LMTK3: variants seen among roughly 807,000 people sequenced by gnomAD.
The protein encoded by LMTK3 is lemur tail kinase 3.
LMTK3 carries 27 observed loss-of-function variants against 116.7 expected under a neutral mutation model. That is an observed-to-expected ratio of 0.23 (90% confidence interval 0.17 to 0.32). LMTK3 has a LOEUF of 0.32. Ranked by LOEUF, LMTK3 falls within the 10% of genes least tolerant of loss-of-function variation. The pLI is 1.00. For synonymous variants in LMTK3, 965 were observed against 971.0 expected, an observed-to-expected ratio of 0.99 and a Z score of 0.11; for missense variants, 1,764 against 2,068.5, an observed-to-expected ratio of 0.85 and a Z score of 2.86.
intron 4 of LMTK3, 55 bp from the exon 5 acceptor site, chr19:48,509,024 TG>T: frequency 8.2e-7 from 1 of 1,215,000 alleles, no homozygotes; most frequent in Middle Eastern, 2.3e-4. Context: ...CCCCGTCCCC[TG>T]GGACCAGCTC....
chr19:48,511,620 A>AGGTGGGGGGGGGGGGG lies in LMTK3; in HGVS notation c.-45_-44insCCCCCCCCCCCCCACC. The AGGTGGGGGGGGGGGGG allele has an allele frequency of 8.5e-6, 1 of 118,224 alleles. No individual in the cohort carries two copies. The highest frequency in any genetic ancestry group is 1.5e-5 in the Non-Finnish European group (1 of 66,520). 7.3% of individuals were successfully genotyped at this position (118,224 alleles called of 1,614,324 possible). Reference sequence around the variant, plus strand: ...GAGGTGGAGGTGGTGGCGGCTGGGGAGGAGGGGGGGGCGGGCCCTCAGCCC... The same window carrying AGGTGGGGGGGGGGGGG: ...GAGGTGGAGGTGGTGGCGGCTGGGGAGGTGGGGGGGGGGGGGGGAGGGGGGGGCGGGCCCTCAGCCC... On this transcript the variant is annotated 5_prime_UTR_variant, in exon 1 of 15. Coordinates refer to ENST00000600059, the MANE Select transcript of LMTK3 (RefSeq NM_001388485.1).
rs761980582 is a variant in LMTK3 at position 48,497,804 on chromosome 19, C to T, written c.3265G>A (p.Glu1089Lys). The T allele has an allele frequency of 2.5e-5, 34 of 1,381,950 alleles. No individual in the cohort carries two copies. In the African/African-American group the frequency reaches 4.1e-4, roughly 16 times the overall value. The allele number at this position is 1,381,950 out of a possible 1,614,324, so 85.6% of individuals were successfully genotyped here. A position where few individuals can be genotyped will look rare whatever the true frequency, so the allele number is the denominator to read the frequency against. ...PKNGTLEPGT[E>K]RRAPETGGAP... is the part of the protein sequence containing the mutation. ...CCCCCAGTCTCGGGGGCTCTCCTCT[C>T]GGTCCCGGGTTCCAGCGTCCCGTTC... Residue 1089 changes from glutamate to lysine, a missense_variant, in exon 11 of 15, where the codon GAG (glutamate) becomes AAG (lysine). Physicochemically the swap from Glu to Lys is moderately conservative, Grantham distance 56. Coordinates refer to ENST00000600059, the MANE Select transcript of LMTK3 (RefSeq NM_001388485.1). This position sits in a 1 kb window ranked among gnomAD's most constrained non-coding sequence, Gnocchi z 5.7.
Position 48,499,908 on chromosome 19 carries a change from A to T in LMTK3, c.1161T>A (p.Ile387=). The T allele has an allele frequency of 6.3e-7, 1 of 1,591,046 alleles. No homozygotes were observed. Residue 387 remains isoleucine, a synonymous_variant, in exon 11 of 15, where the codon ATT becomes ATA. Coordinates refer to ENST00000600059, the MANE Select transcript of LMTK3 (RefSeq NM_001388485.1). ...KLPYADYWYD[I]LQSCWRPPAQ... ...CAGGTGGCCGCCAGCAGGACTGAAG[A>T]ATGTCATACCTGGGGAGAGGTGGGG...
chr19:48,504,817 G>A (rs1972536140), intron 5 of LMTK3, among the ~76,000 whole-genome samples: 1 of 151,402 alleles, frequency 6.6e-6, no homozygotes, highest in South Asian at 2.1e-4. Flanking sequence ...CGAAGTGCTG[G>A]GATTACAGGC....
Position 48,499,231 on chromosome 19 carries a change from T to G in LMTK3, c.1838A>C (p.Glu613Ala). ...CAGGGTCTCCCCGGCGCCCCGGCCC[T>G]CGGGGTCCCAGCCGCTCAGCAGGAA... The part of the protein sequence containing the change: ...GSFLLSGWDP[E>A]GRGAGETLAG... The change falls in exon 11 of 15, where the codon GAG (glutamate) becomes GCG (alanine). Residue 613 changes from glutamate to alanine, a missense_variant. Transcript: ENST00000600059. 1.5e-6 allele frequency: 2 copies of G among 1,375,716 alleles called. No individual in the cohort carries two copies. Among genetic ancestry groups the G allele is most frequent in the South Asian group, 3.3e-5 (2 of 59,720 alleles). 85.2% of individuals were successfully genotyped at this position (1,375,716 alleles called of 1,614,324 possible).
intron 14 of LMTK3, among the ~76,000 whole-genome samples, chr19:48,486,991 G>A (rs1355460149): frequency 6.6e-6 from 1 of 150,884 alleles, no homozygotes; most frequent in Admixed American, 6.6e-5. Flanking sequence ...TCAGCTTCCT[G>A]AGTAGCTGGG....
chr19:48,485,515 A>G lies in LMTK3; in HGVS notation c.*258T>C, dbSNP rs1972106025. The G allele has an allele frequency of 2.2e-6, 1 of 447,282 alleles. No homozygotes were observed. The highest frequency in any genetic ancestry group is 2.1e-5 in the South Asian group (1 of 46,670). The allele number at this position is 447,282 out of a possible 1,614,324, so 27.7% of individuals were successfully genotyped here. A position where few individuals can be genotyped will look rare whatever the true frequency, so the allele number is the denominator to read the frequency against. ...TCAGTTCCGAGAAAGGCGGCTCTCTATGGAGGGGCGGGGGGATTCCTGCCT... is the reference window on the plus strand; with the variant it reads ...TCAGTTCCGAGAAAGGCGGCTCTCTGTGGAGGGGCGGGGGGATTCCTGCCT... On this transcript the variant is annotated 3_prime_UTR_variant, in exon 15 of 15. Transcript: ENST00000600059.
chr19:48,507,543 G>C (rs1209045760), intron 5 of LMTK3, among the ~76,000 whole-genome samples: 1 of 152,222 alleles, frequency 6.6e-6, no homozygotes, highest in African/African-American at 2.4e-5. Context: ...GAGCACTTGA[G>C]ATATGATGAG....
intron 14 of LMTK3, among the ~76,000 whole-genome samples, chr19:48,487,145 C>T (rs1193323848): frequency 6.6e-6 from 1 of 151,688 alleles, no homozygotes; most frequent in Non-Finnish European, 1.5e-5. Context: ...AGCAATTCTC[C>T]TGCCTCAGCC....
intron 5 of LMTK3, among the ~76,000 whole-genome samples, chr19:48,506,070 A>G (rs542259144): frequency 6.6e-6 from 1 of 151,574 alleles, no homozygotes; most frequent in South Asian, 2.1e-4. Context: ...TGAACCCAGG[A>G]GGCAGAGGTT....
intron 14 of LMTK3, among the ~76,000 whole-genome samples, chr19:48,486,141 G>C (rs367922602): frequency 1.6e-5 from 2 of 121,738 alleles, no homozygotes; most frequent in East Asian, 5.4e-4. Context: ...CTCACTGCAA[G>C]CTCCGCCTCC....
chr19:48,503,213 A>C (rs1972503944), intron 5 of LMTK3, among the ~76,000 whole-genome samples: 1 of 152,054 alleles, frequency 6.6e-6, no homozygotes, highest in Non-Finnish European at 1.5e-5. Flanking sequence ...ACGCCTGGCT[A>C]ATTTTTGTAT....
At chr19:48,509,403 A>C (rs1275446397) in intron 4 of LMTK3, 34 bp downstream of exon 4, 2 of 1,540,524 alleles carry the variant, frequency 1.3e-6, no homozygotes, top group South Asian at 1.2e-5. Flanking sequence ...CTCGGGATCC[A>C]TGGAGCCCTG....
In LMTK3 at chr19:48,501,087, G is replaced by A. The variant is rs115496266; in HGVS notation, c.1060C>T (p.Leu354=). 3,838 of 1,590,074 alleles carry A rather than the reference G, an allele frequency of 2.4e-3. 65 individuals are homozygous for A. The African/African-American group carries it at 0.043, about 18-fold the overall frequency. ...FEFGAQPYRH[L]SDEEVLAFVV... is the part of the protein sequence containing the mutation. ...AAGGCGAGGACCTCCTCGTCTGACA[G>A]GTGGCGGTAGGGCTGGGCCCCAAAC... The change falls in exon 10 of 15, where the codon CTG becomes TTG. Residue 354 remains leucine, a synonymous_variant. Coordinates refer to ENST00000600059, the MANE Select transcript of LMTK3 (RefSeq NM_001388485.1).
At position 48,501,047 on chromosome 19, in the gene LMTK3, T is replaced by C; in HGVS notation, c.1100A>G (p.Gln367Arg). ...EEVLAFVVRQ[Q>R]HVKLARPRLK... ...CCTCGGCCGGGCCAGCTTCACATGC[T>C]GCTGGCGGACCACGAAGGCGAGGAC... Residue 367 changes from glutamine to arginine, a missense_variant, in exon 10 of 15, where the codon CAG (glutamine) becomes CGG (arginine). This residue lies in a region of LMTK3 where 271 missense variants were observed against 478.2 expected (regional missense o/e 0.57). Transcript: ENST00000600059. 1 of 1,551,334 alleles carries C rather than the reference T, an allele frequency of 6.4e-7. No homozygotes were observed. The highest frequency in any genetic ancestry group is 8.7e-7 in the Non-Finnish European group (1 of 1,149,962).
At chr19:48,501,595 G>T (rs895626812) in intron 7 of LMTK3, 33 bp from the exon 8 acceptor site, 1 of 1,571,448 alleles carries the variant, frequency 6.4e-7, no homozygotes, top group Non-Finnish European at 8.6e-7. Flanking sequence ...TGAGCGCAGG[G>T]GCAGCCCTCC....
rs1179637945 is a variant in LMTK3, at chr19:48,510,209, G to A, written c.211-36C>T. ...GAGAGGAGAAGAGGGGTGGGAGAACGCAGGGCTGAGAGACACGCCATCGTC... is the reference window on the plus strand; with the variant it reads ...GAGAGGAGAAGAGGGGTGGGAGAACACAGGGCTGAGAGACACGCCATCGTC... On this transcript the variant is annotated intron_variant, in intron 2 of 14. Coordinates refer to ENST00000600059, the MANE Select transcript of LMTK3 (RefSeq NM_001388485.1). 2.5e-6 allele frequency: 4 copies of A among 1,596,016 alleles called. No individual in the cohort carries two copies. In the African/African-American group the frequency reaches 4.0e-5, roughly 16 times the overall value.
Position 48,485,632 on chromosome 19 carries a change from G to A in LMTK3, c.*141C>T. On this transcript the variant is annotated 3_prime_UTR_variant, in exon 15 of 15. Coordinates refer to ENST00000600059, the MANE Select transcript of LMTK3 (RefSeq NM_001388485.1). ...GGGCCTCCCGTTTGGCACATGGTAGGGGAGTGGGAGGGGGAGGGCCCAGCC... is the reference window on the plus strand; with the variant it reads ...GGGCCTCCCGTTTGGCACATGGTAGAGGAGTGGGAGGGGGAGGGCCCAGCC... The A allele has an allele frequency of 1.1e-6, 1 of 911,712 alleles. No homozygotes were observed. Among genetic ancestry groups the A allele is most frequent in the Non-Finnish European group, 1.7e-6 (1 of 584,846 alleles). The allele number at this position is 911,712 out of a possible 1,614,324, so 56.5% of individuals were successfully genotyped here.
In LMTK3 at chr19:48,501,115, A is replaced by T; in HGVS notation, c.1032T>A (p.Phe344Leu). ...GGCGGTAGGGCTGGGCCCCAAACTC[A>T]AACAGCTCCCACAGGGTCACCCCCA... ...WSLGVTLWEL[F>L]EFGAQPYRHL... The change falls in exon 10 of 15, where the codon TTT (phenylalanine) becomes TTA (leucine). Residue 344 changes from phenylalanine (F) to leucine (L), a missense_variant. Phe to Leu is a conservative substitution (Grantham distance 22). Coordinates refer to ENST00000600059, the MANE Select transcript of LMTK3 (RefSeq NM_001388485.1). 6.2e-7 allele frequency: 1 copy of T among 1,605,482 alleles called. No homozygotes were observed. The highest frequency in any genetic ancestry group is 8.5e-7 in the Non-Finnish European group (1 of 1,176,106).
Sources: allele counts gnomAD v4.1 joint callset (sites outside exome capture counted in the v4.1 genomes callset), GRCh38; gene constraint gnomAD v4.1.1; regional missense constraint gnomAD v4.1.1; non-coding constraint Gnocchi (gnomAD v3.1); transcripts MANE v1.5; gene names NCBI Gene and HGNC (gene_info 2026-07-23, HGNC 2026-07-21).